CEP63: variants seen among roughly 807,000 people sequenced by gnomAD.
CEP63 encodes centrosomal protein 63, also known as centrosomal protein of 63 kDa.
Under a neutral mutation model 89.1 loss-of-function variants are expected in CEP63, and 84 were observed. That is an observed-to-expected ratio of 0.94 (90% CI 0.79 to 1.13). The LOEUF (loss-of-function observed/expected upper bound fraction) is 1.13. CEP63 is among the 50% of genes most tolerant of loss of function. The probability of loss-of-function intolerance (pLI) is 0.00; values close to 1 mark genes in which losing one functional copy is unlikely to be tolerated. For synonymous variants in CEP63, 267 were observed against 272.5 expected (o/e 0.98, Z 0.20); for missense variants, 838 against 813.3 (o/e 1.03, Z -0.37).
the CEP63 span, among the ~76,000 whole-genome samples, chr3:134,635,990 T>C: frequency 6.6e-6 from 1 of 152,360 alleles, no homozygotes; most frequent in Non-Finnish European, 1.5e-5. Context: ...TAGTATTCTA[T>C]TTTGTAGATG....
At chr3:134,707,378 T>C in the CEP63 span, among the ~76,000 whole-genome samples, 2 of 152,196 alleles carry the variant, frequency 1.3e-5, no homozygotes, top group Non-Finnish European at 1.5e-5. Flanking sequence ...AGATTTAGGC[T>C]ACCAGGAGTA....
chr3:134,536,158 G>T (rs1392947017), intron 5 of CEP63: 1 of 152,216 alleles, frequency 6.6e-6, no homozygotes, highest in Admixed American at 6.5e-5. Context: ...AACCCCAACT[G>T]TGAAGACTTC....
intron 9 of CEP63, 132 bp downstream of exon 9, chr3:134,547,604 G>GGTTTTATTTATTTTTTT: frequency 5.6e-6 from 1 of 179,016 alleles, no homozygotes; most frequent in East Asian, 2.1e-4. Context: ...AATGGCCTAA[G>GGTTTTATTTATTTTTTT]TTCTTATTTC....
At chr3:134,761,017 T>TA in the CEP63 span, among the ~76,000 whole-genome samples, 2,356 of 141,270 alleles carry the variant, frequency 0.017, 42 homozygotes, top group African/African-American at 0.044. Flanking sequence ...AGACATTTGT[T>TA]AAAAAAAAAA....
At chr3:134,546,688 T>C (rs1953424848) in intron 8 of CEP63, among the ~76,000 whole-genome samples, 1 of 152,224 alleles carries the variant, frequency 6.6e-6, no homozygotes, top group African/African-American at 2.4e-5. Flanking sequence ...ATATTCATAA[T>C]TTTATGTTTG....
the CEP63 span, among the ~76,000 whole-genome samples, chr3:134,727,259 C>G: frequency 2.6e-5 from 4 of 152,186 alleles, no homozygotes; most frequent in African/African-American, 9.6e-5. Flanking sequence ...GAGAATTTTT[C>G]TCTCTCAATG....
At chr3:134,486,648 G>T in intron 1 of CEP63, 3 of 632,886 alleles carry the variant, frequency 4.7e-6, no homozygotes. Context: ...TCCCTGCCAG[G>T]GCTGCTGTCT....
the CEP63 span, among the ~76,000 whole-genome samples, chr3:134,712,089 T>C: frequency 1.3e-5 from 2 of 152,188 alleles, no homozygotes; most frequent in Non-Finnish European, 2.9e-5. Context: ...CGTGTGACTT[T>C]TGTTTGTTTC....
intron 3 of CEP63, chr3:134,510,904 G>A: frequency 1.0e-5 from 2 of 198,312 alleles, no homozygotes; most frequent in South Asian, 1.7e-4. Context: ...CCCCCCAAGA[G>A]GGAAGAGCCA....
chr3:134,620,807 C>T, the CEP63 span: 5 of 1,613,650 alleles, frequency 3.1e-6, no homozygotes, highest in Admixed American at 5.0e-5. Context: ...CAGTGTGGGC[C>T]TCCTGGAGCA....
chr3:134,746,173 G>T, the CEP63 span, among the ~76,000 whole-genome samples: 1 of 150,036 alleles, frequency 6.7e-6, no homozygotes, highest in Non-Finnish European at 1.5e-5. Flanking sequence ...TGTGGTGTTT[G>T]GTTTTCTGTC....
At chr3:134,508,518 A>G (rs1031119566) in intron 3 of CEP63, among the ~76,000 whole-genome samples, 3 of 152,214 alleles carry the variant, frequency 2.0e-5, no homozygotes, top group African/African-American at 7.2e-5. Context: ...AATTCTGTTT[A>G]GCAAGTTGAA....
At chr3:134,660,302 G>C in the CEP63 span, among the ~76,000 whole-genome samples, 20 of 152,358 alleles carry the variant, frequency 1.3e-4, no homozygotes, top group African/African-American at 4.6e-4. Context: ...AGGCTCCTGG[G>C]GTGGTGTGGG....
intron 3 of CEP63, among the ~76,000 whole-genome samples, chr3:134,527,013 C>T (rs928438854): frequency 6.6e-6 from 1 of 152,158 alleles, no homozygotes; most frequent in Non-Finnish European, 1.5e-5. Flanking sequence ...GACCACTAGT[C>T]ACTACACCAC....
At chr3:134,588,024 G>T (rs115129618), downstream of CEP63, among the ~76,000 whole-genome samples, 1,505 of 152,236 alleles carry the variant, frequency 9.9e-3, 25 homozygotes, top group African/African-American at 0.034. Context: ...GCTGAGCATG[G>T]TGATGACGTC....
chr3:134,619,670 G>C, the CEP63 span, among the ~76,000 whole-genome samples: 34 of 152,370 alleles, frequency 2.2e-4, no homozygotes, highest in African/African-American at 8.2e-4. Context: ...TCCAAGTGGA[G>C]AAGGCTGCTC....
At chr3:134,571,375 C>G (rs985677803) in intron 11 of CEP63, among the ~76,000 whole-genome samples, 11 of 152,156 alleles carry the variant, frequency 7.2e-5, no homozygotes, top group African/African-American at 2.4e-4. Flanking sequence ...AGAATAATGA[C>G]TAAGTGCATA....
chr3:134,575,536 T>C (rs1958195745), downstream of CEP63, among the ~76,000 whole-genome samples: 1 of 135,216 alleles, frequency 7.4e-6, no homozygotes. Context: ...CCTTTTTTCT[T>C]TCTTTCTTTG....
chr3:134,532,632 G>GT, intron 4 of CEP63, 146 bp from the exon 5 acceptor site: 1 of 578,142 alleles, frequency 1.7e-6, no homozygotes, highest in Non-Finnish European at 3.0e-6. Context: ...TTAATTTTTA[G>GT]TTTCCTTTTG....
Sources: gnomAD v4.1 joint callset for allele counts (sites outside exome capture counted in the v4.1 genomes callset) on GRCh38, gnomAD v4.1.1 for gene constraint, MANE v1.5 for transcripts, NCBI Gene and HGNC (gene_info 2026-07-23, HGNC 2026-07-21) for gene names.